Variants in NRG1 observed in about 807,000 individuals in gnomAD.
NRG1 encodes pro-neuregulin-1, membrane-bound isoform.
Under a neutral mutation model 63.8 loss-of-function variants are expected in NRG1, and 18 were observed. The observed-to-expected ratio is 0.28, with a 90% CI of 0.19 to 0.42. The LOEUF (loss-of-function observed/expected upper bound fraction) is 0.42, where lower values mean the gene tolerates loss of function less well. Among genes scored for constraint, NRG1 ranks in the 10% least tolerant of loss-of-function variants. The pLI, the probability that NRG1 is intolerant of heterozygous loss-of-function variation, is 1.00. For missense variants in NRG1, 762 were observed against 814.7 expected, an observed-to-expected ratio of 0.94 and a Z score of 0.79; for synonymous variants, 302 against 301.3, an observed-to-expected ratio of 1.00 and a Z score of -0.02.
intron 1 of NRG1, among the ~76,000 whole-genome samples, chr8:31,727,680 G>T (rs1813585783): frequency 6.6e-6 from 1 of 151,994 alleles, no homozygotes; most frequent in Non-Finnish European, 1.5e-5. Context: ...TTACTGAATG[G>T]GGCAATTATT....
intron 1 of NRG1, among the ~76,000 whole-genome samples, chr8:32,270,194 G>GA (rs1851399830): frequency 6.6e-6 from 1 of 152,174 alleles, no homozygotes; most frequent in Non-Finnish European, 1.5e-5. Context: ...TTAAAGTAAT[G>GA]AGACGTTTTG....
At chr8:31,839,528 T>C (rs994966912) in intron 1 of NRG1, among the ~76,000 whole-genome samples, 9 of 152,220 alleles carry the variant, frequency 5.9e-5, no homozygotes, top group African/African-American at 2.2e-4. Context: ...ATAAAGTTAC[T>C]AAACCTGCTT....
intron 1 of NRG1, among the ~76,000 whole-genome samples, chr8:31,771,263 G>A (rs1818597182): frequency 6.6e-6 from 1 of 152,122 alleles, no homozygotes; most frequent in Admixed American, 6.6e-5. Flanking sequence ...TTTTGAGATT[G>A]ACTTTTTTTC....
intron 1 of NRG1, among the ~76,000 whole-genome samples, chr8:31,940,675 G>A (rs1801616364): frequency 2.0e-5 from 3 of 152,056 alleles, no homozygotes; most frequent in African/African-American, 4.8e-5. Flanking sequence ...GAAAAGAAGA[G>A]AGAACATCCA....
chr8:32,193,953 C>G (rs1842736927), intron 1 of NRG1, among the ~76,000 whole-genome samples: 1 of 152,162 alleles, frequency 6.6e-6, no homozygotes, highest in Admixed American at 6.5e-5. Context: ...AGGAAGCAGC[C>G]CTGTGGACAC....
At chr8:31,641,926 G>A (rs1803832534) in intron 1 of NRG1, among the ~76,000 whole-genome samples, 1 of 152,076 alleles carries the variant, frequency 6.6e-6, no homozygotes, top group South Asian at 2.1e-4. Context: ...CATTTGTGGT[G>A]GTTAAGTCCT....
chr8:32,038,650 G>GC (rs1429749340), intron 1 of NRG1, among the ~76,000 whole-genome samples: 1 of 151,970 alleles, frequency 6.6e-6, no homozygotes, highest in Non-Finnish European at 1.5e-5. Context: ...TTAAAAATAT[G>GC]CCCCCAAGTT....
At chr8:32,070,521 C>G (rs1244045262) in intron 1 of NRG1, among the ~76,000 whole-genome samples, 1 of 152,154 alleles carries the variant, frequency 6.6e-6, no homozygotes, top group Non-Finnish European at 1.5e-5. Flanking sequence ...TCCTGTTTTC[C>G]TAATGGCCAT....
At chr8:32,173,673 A>C (rs1840346524) in intron 1 of NRG1, among the ~76,000 whole-genome samples, 1 of 152,204 alleles carries the variant, frequency 6.6e-6, no homozygotes, top group African/African-American at 2.4e-5. Flanking sequence ...AAAACAAAAA[A>C]AGGCAGGGAT....
chr8:32,741,938 GA>G, intron 6 of NRG1, 69 bp from the exon 7 acceptor site: 2 of 1,166,080 alleles, frequency 1.7e-6, no homozygotes, highest in African/African-American at 1.5e-5. Context: ...TCCATAGGAG[GA>G]AAATTGCCAG....
intron 1 of NRG1, among the ~76,000 whole-genome samples, chr8:32,267,064 G>T (rs911943005): frequency 1.4e-5 from 2 of 139,962 alleles, no homozygotes; most frequent in African/African-American, 5.3e-5. Context: ...AAGAAAGAAA[G>T]AAAAAAAGAA....
At chr8:31,840,911 T>C (rs1304420891) in intron 1 of NRG1, among the ~76,000 whole-genome samples, 1 of 152,186 alleles carries the variant, frequency 6.6e-6, no homozygotes, top group East Asian at 1.9e-4. Context: ...GCTTGGCCTA[T>C]GCTTTTTTCT....
At chr8:32,681,858 G>T (rs1415669466) in intron 5 of NRG1, among the ~76,000 whole-genome samples, 1 of 152,118 alleles carries the variant, frequency 6.6e-6, no homozygotes, top group Non-Finnish European at 1.5e-5. Flanking sequence ...GACTTTAAAG[G>T]CATCACAAAA....
intron 6 of NRG1, among the ~76,000 whole-genome samples, chr8:32,736,443 C>G (rs769352177): frequency 1.4e-4 from 21 of 152,208 alleles, no homozygotes; most frequent in Non-Finnish European, 2.4e-4. Context: ...GGCGTAGACA[C>G]TGCCACCTCG....
exon 12 of NRG1, chr8:32,767,538 A>T (rs1363534522): frequency 6.6e-6 from 1 of 152,144 alleles, no homozygotes; most frequent in Non-Finnish European, 1.5e-5. Context: ...TATTACTTGG[A>T]TGTTTTCTTA....
chr8:32,320,693 T>C (rs937647072), intron 1 of NRG1, among the ~76,000 whole-genome samples: 1 of 152,148 alleles, frequency 6.6e-6, no homozygotes, highest in Non-Finnish European at 1.5e-5. Context: ...ACACTGGGGA[T>C]TACAATTCGA....
At chr8:32,480,790 G>A (rs7813361) in intron 1 of NRG1, among the ~76,000 whole-genome samples, 116,097 of 151,950 alleles carry the variant, frequency 0.76, 44,616 homozygotes, top group East Asian at 0.89. Flanking sequence ...GAGGTGCCAC[G>A]CTCTTTTAAA....
intron 6 of NRG1, among the ~76,000 whole-genome samples, chr8:32,733,485 A>G (rs147117319): frequency 1.3e-5 from 2 of 152,276 alleles, no homozygotes; most frequent in East Asian, 3.9e-4. Flanking sequence ...TGTAAATGAA[A>G]TATTTATCAA....
intron 1 of NRG1, among the ~76,000 whole-genome samples, chr8:32,423,224 T>C (rs1434628868): frequency 1.3e-5 from 2 of 152,220 alleles, no homozygotes; most frequent in Non-Finnish European, 2.9e-5. Context: ...TTAAAGGTTA[T>C]TGTCTCCAGG....
Sources: allele counts gnomAD v4.1 joint callset (sites outside exome capture counted in the v4.1 genomes callset), GRCh38; gene constraint gnomAD v4.1.1; transcripts MANE v1.5; gene names NCBI Gene and HGNC (gene_info 2026-07-23, HGNC 2026-07-21).